Variants in KTN1 observed in about 807,000 individuals in gnomAD.
KTN1 encodes the protein kinectin.
A neutral mutation model predicts 222.5 loss-of-function variants in KTN1; 130 were observed. The observed-to-expected ratio is 0.58, with a 90% CI of 0.51 to 0.68. The LOEUF is 0.68. KTN1 is among the 30% of genes least tolerant of loss of function. The pLI is 0.00. For synonymous variants in KTN1, 512 were observed against 496.3 expected, an observed-to-expected ratio of 1.03 and a Z score of -0.42; for missense variants, 1,508 against 1,500.4, an observed-to-expected ratio of 1.01 and a Z score of -0.08.
At chr14:55,580,463 G>T (rs2140256347) in intron 1 of KTN1, 109 bp downstream of exon 1, 1 of 146,930 alleles carries the variant, frequency 6.8e-6, no homozygotes, top group Middle Eastern at 3.4e-3. Flanking sequence ...CGCCGGGCGG[G>T]GGGGCGCGGC....
At chr14:55,659,448 C>T (rs1190032727) in intron 30 of KTN1, among the ~76,000 whole-genome samples, 2 of 151,752 alleles carry the variant, frequency 1.3e-5, no homozygotes, top group Non-Finnish European at 2.9e-5. Flanking sequence ...AGTTCAAGTA[C>T]GTTGCGACAG....
intron 7 of KTN1, among the ~76,000 whole-genome samples, chr14:55,630,421 T>C (rs1246509998): frequency 6.6e-6 from 1 of 152,208 alleles, no homozygotes; most frequent in African/African-American, 2.4e-5. Flanking sequence ...CAATTAGGCA[T>C]TATCAAGTAA....
chr14:55,643,098 C>T (rs1411772502), intron 18 of KTN1, among the ~76,000 whole-genome samples: 1 of 151,970 alleles, frequency 6.6e-6, no homozygotes. Flanking sequence ...TTAGCAGAGA[C>T]GGGGTTTTGC....
chr14:55,648,901 C>G, intron 21 of KTN1, 31 bp downstream of exon 21: 1 of 1,373,992 alleles, frequency 7.3e-7, no homozygotes, highest in Non-Finnish European at 1.0e-6. Context: ...TGTTCTTTGT[C>G]TCTGTGTTTT....
chr14:55,595,983 T>A (rs1451133393), intron 1 of KTN1, among the ~76,000 whole-genome samples: 1 of 151,694 alleles, frequency 6.6e-6, no homozygotes, highest in Non-Finnish European at 1.5e-5. Context: ...TGAAACCCCG[T>A]CTCTACCAAA....
At chr14:55,612,868 C>T (rs1389790115) in intron 2 of KTN1, among the ~76,000 whole-genome samples, 1 of 148,448 alleles carries the variant, frequency 6.7e-6, no homozygotes, top group African/African-American at 2.5e-5. Flanking sequence ...GCCTGGGCAA[C>T]AAAGTGAGAC....
At chr14:55,683,121 A>G (rs931695019) in intron 43 of KTN1, 4 of 152,176 alleles carry the variant, frequency 2.6e-5, no homozygotes, top group African/African-American at 4.8e-5. Flanking sequence ...TTCTACACTG[A>G]ACCTTAGCTA....
chr14:55,643,377 T>C (rs1198817738), intron 18 of KTN1, among the ~76,000 whole-genome samples: 4 of 152,196 alleles, frequency 2.6e-5, no homozygotes, highest in Non-Finnish European at 5.9e-5. Flanking sequence ...ATTTTTAATT[T>C]TTACTGTTAA....
intron 14 of KTN1, 50 bp downstream of exon 14, chr14:55,640,053 A>G: frequency 9.1e-7 from 1 of 1,094,748 alleles, no homozygotes; most frequent in Non-Finnish European, 1.4e-6. Flanking sequence ...ACTGAAATTT[A>G]AATTACTTTG....
chr14:55,604,746 G>A (rs1006262721), intron 1 of KTN1, among the ~76,000 whole-genome samples: 2 of 151,930 alleles, frequency 1.3e-5, no homozygotes, highest in African/African-American at 4.9e-5. Flanking sequence ...GACTATTGTG[G>A]AAGAGAGTTG....
intron 7 of KTN1, among the ~76,000 whole-genome samples, chr14:55,631,310 A>G (rs1458928758): frequency 1.4e-5 from 2 of 143,320 alleles, no homozygotes; most frequent in Non-Finnish European, 3.0e-5. Flanking sequence ...CAGATTTAAT[A>G]TATGTCTAAA....
intron 1 of KTN1, among the ~76,000 whole-genome samples, chr14:55,589,652 A>ATTT (rs2033721166): frequency 6.2e-5 from 6 of 97,166 alleles, no homozygotes; most frequent in Admixed American, 1.2e-4. Flanking sequence ...TATTCATCTG[A>ATTT]TTTCTTTTTT....
At chr14:55,681,521 CAT>C (rs1483493947) in intron 43 of KTN1, 1 of 152,164 alleles carries the variant, frequency 6.6e-6, no homozygotes, top group Non-Finnish European at 1.5e-5. Context: ...ACACTTGAGA[CAT>C]ATGAATCATT....
intron 3 of KTN1, among the ~76,000 whole-genome samples, chr14:55,617,545 G>C (rs1456563463): frequency 6.6e-6 from 1 of 152,148 alleles, no homozygotes; most frequent in Non-Finnish European, 1.5e-5. Context: ...TTTGCACTTA[G>C]CAAGTACAAA....
At chr14:55,639,411 A>G (rs2041528662) in intron 13 of KTN1, among the ~76,000 whole-genome samples, 189 bp downstream of exon 13, 1 of 150,658 alleles carries the variant, frequency 6.6e-6, no homozygotes, top group Non-Finnish European at 1.5e-5. Context: ...GGGTCCCTAA[A>G]CATTATATAT....
At chr14:55,613,355 G>T (rs112308750) in intron 2 of KTN1, among the ~76,000 whole-genome samples, 1 of 152,040 alleles carries the variant, frequency 6.6e-6, no homozygotes, top group African/African-American at 2.4e-5. Context: ...GGGAAAGGGG[G>T]TTGATAGGTA....
At chr14:55,654,118 A>T (rs996404892) in intron 28 of KTN1, among the ~76,000 whole-genome samples, 15 of 152,194 alleles carry the variant, frequency 9.9e-5, no homozygotes, top group African/African-American at 2.9e-4. Flanking sequence ...TTCTGTAGAT[A>T]TTAATCTTAG....
chr14:55,641,903 T>C (rs2041845904), intron 18 of KTN1, 143 bp downstream of exon 18: 1 of 626,128 alleles, frequency 1.6e-6, no homozygotes, highest in Non-Finnish European at 2.9e-6. Flanking sequence ...TCATCCTGTA[T>C]CTAAATTCAG....
At chr14:55,603,014 A>G (rs2036211046) in intron 1 of KTN1, among the ~76,000 whole-genome samples, 1 of 152,108 alleles carries the variant, frequency 6.6e-6, no homozygotes, top group South Asian at 2.1e-4. Flanking sequence ...CTGTGCTTTT[A>G]TATTCTTCCT....
Sources: allele counts gnomAD v4.1 joint callset (sites outside exome capture counted in the v4.1 genomes callset), GRCh38; gene constraint gnomAD v4.1.1; transcripts MANE v1.5; gene names NCBI Gene and HGNC (gene_info 2026-07-23, HGNC 2026-07-21).